Variants in CLYBL observed in about 807,000 individuals in gnomAD.
CLYBL encodes citramalyl-CoA lyase.
Under a neutral mutation model 38.9 loss-of-function variants are expected in CLYBL, and 31 were observed. The observed-to-expected ratio is 0.80, with a 90% CI of 0.60 to 1.08. CLYBL has a LOEUF of 1.08. Ranked by LOEUF, CLYBL falls within the 50% of genes least tolerant of loss-of-function variation. The pLI, the probability that CLYBL is intolerant of heterozygous loss-of-function variation, is 0.00. For missense variants in CLYBL, 434 were observed against 411.6 expected (o/e 1.05, Z -0.47); for synonymous variants, 171 against 158.6 (o/e 1.08, Z -0.59).
At chr13:99,787,581 C>T (rs970054662) in intron 2 of CLYBL, among the ~76,000 whole-genome samples, 1 of 152,148 alleles carries the variant, frequency 6.6e-6, no homozygotes, top group African/African-American at 2.4e-5. Flanking sequence ...CTACCAGTAC[C>T]ATGCTGTTTT....
At chr13:99,697,260 T>C (rs2047993959) in intron 1 of CLYBL, among the ~76,000 whole-genome samples, 1 of 152,238 alleles carries the variant, frequency 6.6e-6, no homozygotes, top group African/African-American at 2.4e-5. Flanking sequence ...GTTACTGTTA[T>C]TTGCAAGGAT....
At chr13:99,743,681 T>C (rs573635288) in intron 1 of CLYBL, among the ~76,000 whole-genome samples, 2 of 152,364 alleles carry the variant, frequency 1.3e-5, no homozygotes, top group African/African-American at 4.8e-5. Context: ...TGAGCTCTCT[T>C]GGTGTTTGCT....
intron 1 of CLYBL, among the ~76,000 whole-genome samples, chr13:99,644,977 C>T: frequency 6.6e-6 from 1 of 152,192 alleles, no homozygotes; most frequent in East Asian, 1.9e-4. Context: ...CTGCAATAAA[C>T]ATGGGAGTGC....
intron 1 of CLYBL, among the ~76,000 whole-genome samples, chr13:99,714,149 G>A (rs908500986): frequency 6.6e-6 from 1 of 152,076 alleles, no homozygotes; most frequent in Non-Finnish European, 1.5e-5. Context: ...TCCTGTTTTT[G>A]CATGTATTAT....
At chr13:99,863,170 ATCT>A (rs1205563362) in intron 4 of CLYBL, 78 bp downstream of exon 4, 4 of 696,742 alleles carry the variant, frequency 5.7e-6, no homozygotes, top group African/African-American at 3.7e-5. Context: ...CAATTTTAAC[ATCT>A]TCTTAAAATG....
chr13:99,712,225 G>A (rs1307199418), intron 1 of CLYBL, among the ~76,000 whole-genome samples: 1 of 151,842 alleles, frequency 6.6e-6, no homozygotes, highest in Non-Finnish European at 1.5e-5. Context: ...ACACACTTCA[G>A]TGTTTATACT....
intron 1 of CLYBL, among the ~76,000 whole-genome samples, chr13:99,701,071 C>T (rs1377895327): frequency 1.3e-5 from 2 of 152,124 alleles, no homozygotes; most frequent in African/African-American, 4.8e-5. Context: ...CACTTCATCC[C>T]AGCATGGTGC....
At chr13:99,763,548 C>G (rs368675664) in intron 1 of CLYBL, among the ~76,000 whole-genome samples, 1 of 116,170 alleles carries the variant, frequency 8.6e-6, no homozygotes. Context: ...TCTTTTTATT[C>G]TTTTTTTTTT....
intron 1 of CLYBL, among the ~76,000 whole-genome samples, chr13:99,720,054 T>G (rs1049089640): frequency 2.6e-5 from 4 of 152,038 alleles, no homozygotes; most frequent in Non-Finnish European, 5.9e-5. Context: ...ACTTACTGTA[T>G]TTCCCCTTTT....
chr13:99,662,588 T>A (rs2047425507), intron 1 of CLYBL, among the ~76,000 whole-genome samples: 2 of 151,978 alleles, frequency 1.3e-5, no homozygotes, highest in African/African-American at 4.8e-5. Context: ...CCCTTTTTTT[T>A]TATTAGTATT....
At position 99,859,050 on chromosome 13, in the gene CLYBL, G is replaced by C; in HGVS notation, c.438+1G>C. ...GGAAAGTCCTGAAGAAATCCAGTGG[G>C]TGAGTAGCTAATGCTTTGCCTTAAG... On this transcript the variant is annotated splice_donor_variant, in intron 3 of 8. Coordinates refer to ENST00000339105, the MANE Select transcript of CLYBL (RefSeq NM_206808.5). LOFTEE classifies it high-confidence loss of function. 6.2e-7 allele frequency: 1 copy of C among 1,611,086 alleles called. No individual in the cohort carries two copies.
chr13:99,763,548 C>CT (rs59409196), intron 1 of CLYBL, among the ~76,000 whole-genome samples: 4,480 of 116,098 alleles, frequency 0.039, 218 homozygotes, highest in African/African-American at 0.11. Flanking sequence ...TCTTTTTATT[C>CT]TTTTTTTTTT....
At chr13:99,824,673 A>G (rs1275747314) in intron 2 of CLYBL, among the ~76,000 whole-genome samples, 2 of 151,870 alleles carry the variant, frequency 1.3e-5, no homozygotes, top group Admixed American at 1.3e-4. Flanking sequence ...TTTCCTCTTT[A>G]TCTCAGTCTG....
At position 99,877,840 on chromosome 13, in the gene CLYBL, G is replaced by C. The variant is rs1044043461; in HGVS notation, c.927+6778G>C. Among the ~76,000 whole-genome samples the C allele has an allele frequency of 8.5e-5, 13 of 152,080 alleles. 1 individual carries two copies. The highest frequency in any genetic ancestry group is 3.3e-4 in the Admixed American group (5 of 15,278). On this transcript the variant is annotated intron_variant, in intron 7 of 8. Coordinates refer to ENST00000339105, the MANE Select transcript of CLYBL (RefSeq NM_206808.5). ...GCCCACCTCCGCCTCCCAAAGTGCT[G>C]GGATTACAGGCGTAAGCCACCGCGC...
intron 3 of CLYBL, among the ~76,000 whole-genome samples, chr13:99,860,831 GTTTTC>G (rs1265912186): frequency 6.6e-6 from 1 of 152,222 alleles, no homozygotes; most frequent in Non-Finnish European, 1.5e-5. Context: ...GGGCTTACTT[GTTTTC>G]TTTTGTGTGA....
At chr13:99,722,177 G>C (rs962333661) in intron 1 of CLYBL, among the ~76,000 whole-genome samples, 1 of 152,122 alleles carries the variant, frequency 6.6e-6, no homozygotes, top group African/African-American at 2.4e-5. Context: ...TCATGGACTG[G>C]CTAGCTTCTT....
intron 1 of CLYBL, among the ~76,000 whole-genome samples, chr13:99,699,072 G>T (rs2048022029): frequency 6.6e-6 from 1 of 151,762 alleles, no homozygotes; most frequent in Non-Finnish European, 1.5e-5. Flanking sequence ...TGGAGGAAAT[G>T]TTAAACACTG....
At chr13:99,744,929 C>G (rs933263565) in intron 1 of CLYBL, among the ~76,000 whole-genome samples, 2 of 152,176 alleles carry the variant, frequency 1.3e-5, no homozygotes, top group African/African-American at 2.4e-5. Context: ...CAGGCAGGAC[C>G]ATTTGGAGAT....
At chr13:99,768,573 G>A (rs1267722949) in intron 1 of CLYBL, among the ~76,000 whole-genome samples, 2 of 138,562 alleles carry the variant, frequency 1.4e-5, no homozygotes, top group African/African-American at 2.8e-5. Flanking sequence ...GTGCAGTGGT[G>A]CAATCTCAGC....
Sources: gnomAD v4.1 joint callset for allele counts (sites outside exome capture counted in the v4.1 genomes callset) on GRCh38, gnomAD v4.1.1 for gene constraint, MANE v1.5 for transcripts, NCBI Gene and HGNC (gene_info 2026-07-23, HGNC 2026-07-21) for gene names.